WWOX: variants seen among roughly 807,000 people sequenced by gnomAD.
WWOX encodes the protein WW domain-containing oxidoreductase.
WWOX carries 69 observed loss-of-function variants against 46.2 expected under a neutral mutation model. The observed-to-expected ratio is 1.49, with a 90% CI of 1.23 to 1.82. The LOEUF (loss-of-function observed/expected upper bound fraction) is 1.82. Ranked by LOEUF, WWOX falls within the 40% of genes most tolerant of loss-of-function variation. WWOX has a pLI of 0.00. For missense variants in WWOX, 919 were observed against 542.6 expected (o/e 1.69, Z -6.89); for synonymous variants, 359 against 202.6 (o/e 1.77, Z -6.56).
chr16:78,350,121 A>G lies in WWOX; in HGVS notation c.517-36739A>G, dbSNP rs948832156. Among the ~76,000 whole-genome samples the G allele has an allele frequency of 1.7e-5, 2 of 121,062 alleles. 1 individual carries two copies. The allele number at this position is 121,062 out of a possible 152,430, so 79.4% of individuals were successfully genotyped here. A position where few individuals can be genotyped will look rare whatever the true frequency, so the allele number is the denominator to read the frequency against. Reference sequence around the variant, plus strand: ...TACCGTGATCTCCAACAGCTAGGCAATATTCTGTCATATGGGTTTACCATA... The same window carrying G: ...TACCGTGATCTCCAACAGCTAGGCAGTATTCTGTCATATGGGTTTACCATA... On this transcript the variant is annotated intron_variant, in intron 5 of 8. Coordinates refer to ENST00000566780, the MANE Select transcript of WWOX (RefSeq NM_016373.4).
At position 78,650,542 on chromosome 16, in the gene WWOX, G is replaced by A. The variant is rs10083819; in HGVS notation, c.1056+217790G>A. Among the ~76,000 whole-genome samples the A allele has an allele frequency of 3.6e-3, 555 of 152,234 alleles. 3 individuals are homozygous for A. The highest frequency in any genetic ancestry group is 0.013 in the African/African-American group (522 of 41,540). ...TAAAGCCCGAGTCGTATGAATCCAG[G>A]ACACCTGCCTGCAAATGCATTTTTC... On this transcript the variant is annotated intron_variant, in intron 8 of 8. Coordinates refer to ENST00000566780, the MANE Select transcript of WWOX (RefSeq NM_016373.4).
intron 8 of WWOX, among the ~76,000 whole-genome samples, chr16:78,464,058 A>G (rs1429889330): frequency 6.6e-6 from 1 of 152,202 alleles, no homozygotes; most frequent in Non-Finnish European, 1.5e-5. Context: ...GAAGCTGATC[A>G]GAGCACACCC....
At chr16:78,223,749 C>T (rs1282913014) in intron 5 of WWOX, among the ~76,000 whole-genome samples, 2 of 152,004 alleles carry the variant, frequency 1.3e-5, no homozygotes, top group South Asian at 2.1e-4. Context: ...TGAGTGGCCA[C>T]CTTTGTCAAA....
chr16:78,577,881 G>C (rs974832289), intron 8 of WWOX, among the ~76,000 whole-genome samples: 1 of 152,022 alleles, frequency 6.6e-6, no homozygotes, highest in Non-Finnish European at 1.5e-5. Context: ...CAGGATTTCC[G>C]TTTGACAGAA....
chr16:78,745,061 T>G (rs1235247987), intron 8 of WWOX, among the ~76,000 whole-genome samples: 1 of 152,264 alleles, frequency 6.6e-6, no homozygotes, highest in African/African-American at 2.4e-5. Context: ...CTGCATTTTA[T>G]TGATGAAGAA....
chr16:78,433,143 C>G (rs1163439843), intron 8 of WWOX, among the ~76,000 whole-genome samples: 1 of 152,114 alleles, frequency 6.6e-6, no homozygotes, highest in African/African-American at 2.4e-5. Context: ...ACATTGGTGA[C>G]TACTGAATTT....
chr16:78,508,310 C>CTTTTTTTTTTTTTTT lies in WWOX; in HGVS notation c.1056+75574_1056+75588dup, dbSNP rs60281450. ...ATAGGCGTGAGCCACTGCGCCCGGCCTTTTTTTTTTTTTTTTTTTTTTTTT... is the reference window on the plus strand; with the variant it reads ...ATAGGCGTGAGCCACTGCGCCCGGCCTTTTTTTTTTTTTTTTTTTTTTTTTTTTTTTTTTTTTTTT... On this transcript the variant is annotated intron_variant, in intron 8 of 8. Coordinates refer to ENST00000566780, the MANE Select transcript of WWOX (RefSeq NM_016373.4). Among the ~76,000 whole-genome samples the CTTTTTTTTTTTTTTT allele has an allele frequency of 1.2e-4, 14 of 112,762 alleles. 1 individual carries two copies. The highest frequency in any genetic ancestry group is 5.5e-4 in the East Asian group (2 of 3,668). 74.0% of individuals were successfully genotyped at this position (112,762 alleles called of 152,430 possible).
chr16:78,666,811 A>G (rs1473016861), intron 8 of WWOX, among the ~76,000 whole-genome samples: 1 of 152,204 alleles, frequency 6.6e-6, no homozygotes, highest in East Asian at 1.9e-4. Context: ...GAAAGAAGAG[A>G]TAAAAGTTTA....
At chr16:78,649,958 T>A (rs993286134) in intron 8 of WWOX, among the ~76,000 whole-genome samples, 2 of 152,220 alleles carry the variant, frequency 1.3e-5, no homozygotes, top group Non-Finnish European at 2.9e-5. Context: ...TTCATTTCTC[T>A]TATCTGTAAT....
rs150197333 is a variant in WWOX at position 78,451,712 on chromosome 16, G to A, written c.1056+18960G>A. On this transcript the variant is annotated intron_variant, in intron 8 of 8. Transcript: ENST00000566780. Reference sequence around the variant, plus strand: ...TACTAAAGCAATGCTAGTCTTCTTCGTGTGCTACCAGTTAGAATGAATTTT... The same window carrying A: ...TACTAAAGCAATGCTAGTCTTCTTCATGTGCTACCAGTTAGAATGAATTTT... 1.4e-3 allele frequency among the ~76,000 whole-genome samples: 213 copies of A among 152,258 alleles called. 2 individuals are homozygous for A. Among genetic ancestry groups the A allele is most frequent in the Admixed American group, 2.2e-3 (33 of 15,302 alleles).
At chr16:78,351,994 A>G (rs1434402495) in intron 5 of WWOX, among the ~76,000 whole-genome samples, 1 of 152,152 alleles carries the variant, frequency 6.6e-6, no homozygotes, top group Non-Finnish European at 1.5e-5. Context: ...TCAAGAGTCA[A>G]ACACTCAAAT....
intron 8 of WWOX, among the ~76,000 whole-genome samples, chr16:79,193,598 A>C (rs557990444): frequency 1.1e-4 from 16 of 152,180 alleles, no homozygotes; most frequent in Non-Finnish European, 2.2e-4. Flanking sequence ...TGGATAAAGT[A>C]AGCGTTTCAT....
At chr16:78,311,393 A>G (rs1037738069) in intron 5 of WWOX, among the ~76,000 whole-genome samples, 1 of 152,246 alleles carries the variant, frequency 6.6e-6, no homozygotes, top group African/African-American at 2.4e-5. Flanking sequence ...TGGAGGATTT[A>G]TAACTGGGAG....
At chr16:78,421,991 A>G (rs2082944713) in intron 6 of WWOX, among the ~76,000 whole-genome samples, 1 of 152,226 alleles carries the variant, frequency 6.6e-6, no homozygotes, top group Admixed American at 6.5e-5. Flanking sequence ...GATAATACAA[A>G]TATAATAGTA....
chr16:78,884,301 C>T (rs566353335), intron 8 of WWOX, among the ~76,000 whole-genome samples: 1 of 144,086 alleles, frequency 6.9e-6, no homozygotes, highest in Admixed American at 7.0e-5. Context: ...AAACAAAAGA[C>T]CATTTTTAAG....
At chr16:78,356,378 C>G (rs1263425349) in intron 5 of WWOX, among the ~76,000 whole-genome samples, 1 of 152,056 alleles carries the variant, frequency 6.6e-6, no homozygotes, top group Non-Finnish European at 1.5e-5. Context: ...AGTAAAGATT[C>G]AAAGCCTTCT....
At chr16:78,654,726 C>T (rs913407249) in intron 8 of WWOX, among the ~76,000 whole-genome samples, 5 of 151,162 alleles carry the variant, frequency 3.3e-5, no homozygotes, top group African/African-American at 1.2e-4. Flanking sequence ...ATTTTGGGGC[C>T]TGTGAATTTT....
At chr16:78,316,149 T>A (rs189806075) in intron 5 of WWOX, among the ~76,000 whole-genome samples, 34 of 151,938 alleles carry the variant, frequency 2.2e-4, no homozygotes, top group African/African-American at 8.0e-4. Context: ...GGAGGCTGGG[T>A]CAGGAGAATC....
At chr16:78,912,015 C>G (rs138637132) in intron 8 of WWOX, among the ~76,000 whole-genome samples, 1 of 152,120 alleles carries the variant, frequency 6.6e-6, no homozygotes, top group African/African-American at 2.4e-5. Context: ...ACACAGTAGT[C>G]CAGTATATTG....
Sources: gnomAD v4.1 joint callset for allele counts (sites outside exome capture counted in the v4.1 genomes callset) on GRCh38, gnomAD v4.1.1 for gene constraint, MANE v1.5 for transcripts, NCBI Gene and HGNC (gene_info 2026-07-23, HGNC 2026-07-21) for gene names.